Variants in MGAT4C observed in about 807,000 individuals in gnomAD.
MGAT4C encodes the protein MGAT4 family member C.
A neutral mutation model predicts 40.1 loss-of-function variants in MGAT4C; 19 were observed. The observed-to-expected ratio is 0.47, with a 90% CI of 0.33 to 0.70. The LOEUF is 0.70. Among genes scored for constraint, MGAT4C ranks in the 30% least tolerant of loss-of-function variants. The pLI is 0.02. For synonymous variants in MGAT4C, 181 were observed against 187.1 expected (o/e 0.97, Z 0.27); for missense variants, 491 against 563.2 (o/e 0.87, Z 1.30).
At chr12:86,230,205 T>C (rs531990951) in intron 1 of MGAT4C, among the ~76,000 whole-genome samples, 1 of 152,204 alleles carries the variant, frequency 6.6e-6, no homozygotes, top group Non-Finnish European at 1.5e-5. Flanking sequence ...AAAGTAGTTG[T>C]TTTCCTCTAT....
chr12:86,751,549 A>T (rs991574239), intron 1 of MGAT4C, among the ~76,000 whole-genome samples: 2 of 152,058 alleles, frequency 1.3e-5, no homozygotes, highest in Non-Finnish European at 2.9e-5. Context: ...ATCTCAAGAC[A>T]GACTAGCTTT....
At chr12:86,363,739 G>A (rs1429217175) in intron 3 of MGAT4C, among the ~76,000 whole-genome samples, 1 of 151,788 alleles carries the variant, frequency 6.6e-6, no homozygotes, top group South Asian at 2.1e-4. Context: ...CCAAAGAAAG[G>A]AACAGAGGGA....
At chr12:86,719,951 T>A (rs1160298178) in intron 2 of MGAT4C, among the ~76,000 whole-genome samples, 2 of 152,174 alleles carry the variant, frequency 1.3e-5, no homozygotes, top group East Asian at 3.9e-4. Flanking sequence ...ACTTCTTGAC[T>A]CTTTGAGAGA....
At chr12:86,454,713 A>G (rs1445137366) in intron 2 of MGAT4C, among the ~76,000 whole-genome samples, 2 of 152,148 alleles carry the variant, frequency 1.3e-5, no homozygotes, top group Non-Finnish European at 2.9e-5. Context: ...TAGTAAGCAA[A>G]GAGCAAATTC....
intron 2 of MGAT4C, among the ~76,000 whole-genome samples, chr12:86,677,734 G>C (rs181939934): frequency 2.6e-5 from 4 of 152,142 alleles, no homozygotes; most frequent in East Asian, 3.9e-4. Context: ...AAATCCATTT[G>C]AGACTAAATA....
At chr12:86,250,650 T>C (rs1387935977) in intron 1 of MGAT4C, among the ~76,000 whole-genome samples, 1 of 152,170 alleles carries the variant, frequency 6.6e-6, no homozygotes, top group Non-Finnish European at 1.5e-5. Context: ...GGTAAAGCTA[T>C]AAGACTTTCT....
At chr12:86,474,864 A>C (rs546864250) in intron 2 of MGAT4C, among the ~76,000 whole-genome samples, 1 of 149,762 alleles carries the variant, frequency 6.7e-6, no homozygotes, top group African/African-American at 2.4e-5. Flanking sequence ...GCATTGTACA[A>C]AGCAAATAAA....
intron 1 of MGAT4C, among the ~76,000 whole-genome samples, chr12:86,759,507 T>A (rs1429661258): frequency 1.3e-5 from 2 of 152,152 alleles, no homozygotes; most frequent in Non-Finnish European, 2.9e-5. Context: ...CCACAAGAAG[T>A]ACATAAAGTT....
At chr12:86,742,046 T>C (rs1951077424) in intron 1 of MGAT4C, among the ~76,000 whole-genome samples, 1 of 151,526 alleles carries the variant, frequency 6.6e-6, no homozygotes, top group South Asian at 2.1e-4. Flanking sequence ...GGAGTTAGTC[T>C]ATGGTTCTTT....
At chr12:86,176,932 A>G (rs1015262959) in intron 1 of MGAT4C, among the ~76,000 whole-genome samples, 1 of 151,066 alleles carries the variant, frequency 6.6e-6, no homozygotes, top group Non-Finnish European at 1.5e-5. Flanking sequence ...AAAGCTTACT[A>G]TGTAGCAAGC....
intron 2 of MGAT4C, among the ~76,000 whole-genome samples, chr12:86,458,782 A>G (rs142469787): frequency 1.5e-3 from 230 of 152,324 alleles, no homozygotes; most frequent in African/African-American, 5.2e-3. Flanking sequence ...TGTTTTTGCA[A>G]AAGATATTTA....
intron 3 of MGAT4C, among the ~76,000 whole-genome samples, chr12:86,432,085 G>A (rs1025952563): frequency 6.6e-6 from 1 of 152,052 alleles, no homozygotes; most frequent in African/African-American, 2.4e-5. Flanking sequence ...AGTTAGGAGA[G>A]TGTTAAGGAG....
chr12:86,814,464 CATAATTATATTAATTCCAATTCTCTT>C (rs1438826390), intron 1 of MGAT4C, among the ~76,000 whole-genome samples: 2 of 150,014 alleles, frequency 1.3e-5, no homozygotes, highest in African/African-American at 2.4e-5. Flanking sequence ...ACTGAATTCT[CATAATTATATTAATTCCAATTCTCTT>C]ATAATTATAT....
rs972081904 is a variant in MGAT4C at position 85,975,672 on chromosome 12, A to G, written c.*3617T>C. ...TGGAATGACAGAAGCAAGATCTAGA[A>G]AGTTTGGGATCATGAATCAAAAGAA... On this transcript the variant is annotated 3_prime_UTR_variant, in exon 5 of 5. Transcript: ENST00000611864. 4 of 150,916 alleles carry G rather than the reference A, an allele frequency of 2.7e-5. No homozygotes were observed. The highest frequency in any genetic ancestry group is 7.3e-5 in the African/African-American group (3 of 41,324). The allele number at this position is 150,916 out of a possible 1,614,324, so 9.3% of individuals were successfully genotyped here.
intron 3 of MGAT4C, among the ~76,000 whole-genome samples, chr12:86,432,484 C>T (rs966507884): frequency 5.3e-5 from 8 of 151,746 alleles, no homozygotes; most frequent in South Asian, 2.1e-4. Flanking sequence ...CAGGCAGAGG[C>T]ATATACCTGA....
intron 1 of MGAT4C, among the ~76,000 whole-genome samples, chr12:86,079,554 A>T (rs950052790): frequency 6.6e-6 from 1 of 152,114 alleles, no homozygotes; most frequent in African/African-American, 2.4e-5. Context: ...ATCACTATAT[A>T]GTATGGTCTT....
chr12:86,734,317 C>A (rs1370712681), intron 1 of MGAT4C, among the ~76,000 whole-genome samples: 1 of 151,984 alleles, frequency 6.6e-6, no homozygotes, highest in Non-Finnish European at 1.5e-5. Flanking sequence ...GAGACTGTGA[C>A]AGAAATTAAG....
At chr12:86,136,769 A>G (rs910233701) in intron 1 of MGAT4C, among the ~76,000 whole-genome samples, 1 of 151,866 alleles carries the variant, frequency 6.6e-6, no homozygotes, top group African/African-American at 2.4e-5. Flanking sequence ...GCTCACTGCA[A>G]CCTCCGCCTC....
chr12:86,149,356 G>A (rs754784625), intron 1 of MGAT4C, among the ~76,000 whole-genome samples: 12 of 152,098 alleles, frequency 7.9e-5, no homozygotes, highest in Non-Finnish European at 1.2e-4. Flanking sequence ...ACATGGCTAT[G>A]TCATTTCAAG....
Sources: gnomAD v4.1 joint callset for allele counts (sites outside exome capture counted in the v4.1 genomes callset) on GRCh38, gnomAD v4.1.1 for gene constraint, MANE v1.5 for transcripts, NCBI Gene and HGNC (gene_info 2026-07-23, HGNC 2026-07-21) for gene names.